The following TRIM62 variants were observed in gnomAD, a reference collection of about 807,000 sequenced individuals.
TRIM62 encodes E3 ubiquitin-protein ligase TRIM62.
TRIM62 carries 39 observed loss-of-function variants against 44.2 expected under a neutral mutation model. The observed-to-expected ratio is 0.88, with a 90% CI of 0.68 to 1.15. TRIM62 has a LOEUF of 1.15. Among genes scored for constraint, TRIM62 ranks in the 50% most tolerant of loss-of-function variants. The probability of loss-of-function intolerance (pLI) is 0.00; values close to 1 mark genes in which losing one functional copy is unlikely to be tolerated. For missense variants in TRIM62, 544 were observed against 665.5 expected, an observed-to-expected ratio of 0.82 and a Z score of 2.01; for synonymous variants, 278 against 292.3, an observed-to-expected ratio of 0.95 and a Z score of 0.50.
chr1:33,156,566 G>T (rs746225654), intron 4 of TRIM62, among the ~76,000 whole-genome samples: 2 of 152,114 alleles, frequency 1.3e-5, no homozygotes, highest in Non-Finnish European at 2.9e-5. Flanking sequence ...TCCCCCTCTT[G>T]TCCCTGACTT....
In TRIM62 at chr1:33,147,481, T is replaced by G; in HGVS notation, c.1124A>C (p.Lys375Thr). 6.2e-7 allele frequency: 1 copy of G among 1,613,008 alleles called. No homozygotes were observed. The change falls in exon 5 of 5, where the codon AAG (lysine) becomes ACG (threonine). Residue 375 changes from lysine to threonine, a missense_variant. Transcript: ENST00000291416. The surrounding 1 kb of genome is among the most constrained non-coding windows in gnomAD (Gnocchi z 8.1). Reference protein sequence around the residue: ...IGLAHEAASRKGSIQIQPSRG... With the variant: ...IGLAHEAASRTGSIQIQPSRG... ...GCTGGGCTGGATCTGGATGCTGCCC[T>G]TGCGGCTTGCGGCTTCGTGTGCCAG...
At position 33,154,639 on chromosome 1, in the gene TRIM62, A is replaced by G. The variant is rs535956531; in HGVS notation, c.877+3614T>C. 1.1e-4 allele frequency among the ~76,000 whole-genome samples: 17 copies of G among 151,534 alleles called. 1 individual carries two copies. Among genetic ancestry groups the G allele is most frequent in the African/African-American group, 4.1e-4 (17 of 41,238 alleles). On this transcript the variant is annotated intron_variant, in intron 4 of 4. Coordinates refer to ENST00000291416, the MANE Select transcript of TRIM62 (RefSeq NM_018207.3). The stretch of plus-strand genomic sequence containing the variant: ...ATGGTGAAACACCGTCTCTACTAAA[A>G]ATACAAAAATTAGCTGGGTGCAGTG...
intron 4 of TRIM62, among the ~76,000 whole-genome samples, chr1:33,151,184 A>C (rs956440686): frequency 6.6e-6 from 1 of 152,078 alleles, no homozygotes; most frequent in Non-Finnish European, 1.5e-5. Context: ...AAGCCTGCAG[A>C]TTGGAGGAAA....
intron 3 of TRIM62, among the ~76,000 whole-genome samples, chr1:33,158,635 C>T (rs1278459660): frequency 6.6e-6 from 1 of 152,182 alleles, no homozygotes; most frequent in Non-Finnish European, 1.5e-5. Context: ...TACAGATGCT[C>T]AGCACAGTGC....
At chr1:33,160,125 G>A (rs573853439) in intron 2 of TRIM62, among the ~76,000 whole-genome samples, 181 bp from the exon 3 acceptor site, 2 of 152,272 alleles carry the variant, frequency 1.3e-5, no homozygotes, top group African/African-American at 4.8e-5. Flanking sequence ...GTTCTATGTG[G>A]TCCATTAAAT....
chr1:33,151,019 G>A (rs143910177), intron 4 of TRIM62, among the ~76,000 whole-genome samples: 12 of 152,058 alleles, frequency 7.9e-5, no homozygotes, highest in African/African-American at 1.9e-4. Flanking sequence ...GGTGCGGGGC[G>A]GGGGGTACCC....
intron 4 of TRIM62, among the ~76,000 whole-genome samples, chr1:33,149,603 C>T (rs759078404): frequency 6.6e-6 from 1 of 151,662 alleles, no homozygotes; most frequent in Non-Finnish European, 1.5e-5. Flanking sequence ...TATAGGCATG[C>T]ATCACTATGC....
rs140512452 is a variant in TRIM62, at chr1:33,161,656, C to A, written c.505-1712G>T. 6.6e-6 allele frequency among the ~76,000 whole-genome samples: 1 copy of A among 152,112 alleles called. No homozygotes were observed. The highest frequency in any genetic ancestry group is 1.9e-4 in the East Asian group (1 of 5,178). On this transcript the variant is annotated intron_variant, in intron 2 of 4. Coordinates refer to ENST00000291416, the MANE Select transcript of TRIM62 (RefSeq NM_018207.3). This position sits in a 1 kb window ranked among gnomAD's most constrained non-coding sequence, Gnocchi z 4.3. ...CGTGGCCTTCCTGAGCCCCCTCACC[C>A]GGGGAGGGTGGAGGCCTCTGCAGCG...
chr1:33,168,049 C>G (rs1040789496), intron 1 of TRIM62, among the ~76,000 whole-genome samples: 3 of 152,038 alleles, frequency 2.0e-5, no homozygotes, highest in African/African-American at 7.2e-5. Flanking sequence ...GTGTGTCCTG[C>G]AGAGAAAATA....
chr1:33,162,349 G>A (rs1048558369), intron 2 of TRIM62, among the ~76,000 whole-genome samples: 3 of 152,182 alleles, frequency 2.0e-5, no homozygotes, highest in African/African-American at 7.2e-5. Flanking sequence ...TACTCATCCT[G>A]CAAGACCTAG....
intron 4 of TRIM62, among the ~76,000 whole-genome samples, chr1:33,152,791 A>G (rs1262569139): frequency 6.6e-6 from 1 of 152,098 alleles, no homozygotes. Context: ...TCTGGGTCAC[A>G]CAGCTAGGCA....
intron 4 of TRIM62, among the ~76,000 whole-genome samples, chr1:33,151,147 G>A (rs374582098): frequency 2.0e-5 from 3 of 152,110 alleles, no homozygotes; most frequent in Admixed American, 6.5e-5. Context: ...GGGGCTCTCC[G>A]TGGGTCTGAG....
rs531565683 is a variant in TRIM62, at chr1:33,159,557, C to T, written c.761+131G>A. 8.1e-5 allele frequency: 109 copies of T among 1,338,408 alleles called. No individual in the cohort carries two copies. In the East Asian group the frequency reaches 1.0e-3, roughly 13 times the overall value. 82.9% of individuals were successfully genotyped at this position (1,338,408 alleles called of 1,614,324 possible). On this transcript the variant is annotated intron_variant, in intron 3 of 4. Transcript: ENST00000291416. This position sits in a 1 kb window ranked among gnomAD's most constrained non-coding sequence, Gnocchi z 4.2. ...ATGCTCCTACCCATAGCAGATGTCC[C>T]GTAAATGTTTGATGAAGATTTGAAT...
At position 33,177,039 on chromosome 1, in the gene TRIM62, G is replaced by GCA. The variant is rs1553172193; in HGVS notation, c.408+3984_408+3985dup. Among the ~76,000 whole-genome samples the GCA allele has an allele frequency of 5.3e-4, 31 of 58,784 alleles. No individual in the cohort carries two copies. Among genetic ancestry groups the GCA allele is most frequent in the Admixed American group, 1.8e-3 (11 of 6,142 alleles). The allele number at this position is 58,784 out of a possible 152,430, so 38.6% of individuals were successfully genotyped here. ...GGAAGACACCAACACACATACACAT[G>GCA]CACACACACACGCACACACACACAC... On this transcript the variant is annotated intron_variant, in intron 1 of 4. Coordinates refer to ENST00000291416, the MANE Select transcript of TRIM62 (RefSeq NM_018207.3). The surrounding 1 kb of genome is among the most constrained non-coding windows in gnomAD (Gnocchi z 4.1).
intron 4 of TRIM62, among the ~76,000 whole-genome samples, chr1:33,155,672 A>G (rs1645168356): frequency 6.6e-6 from 1 of 152,192 alleles, no homozygotes. Flanking sequence ...TCCGTTACTT[A>G]TTCTGAAAAA....
intron 1 of TRIM62, among the ~76,000 whole-genome samples, chr1:33,168,236 C>T (rs1256831595): frequency 6.6e-6 from 1 of 152,152 alleles, no homozygotes; most frequent in Non-Finnish European, 1.5e-5. Context: ...TGGCAGCCAT[C>T]TCAGGCCATG....
At chr1:33,157,740 T>G (rs1303551960) in intron 4 of TRIM62, among the ~76,000 whole-genome samples, 2 of 151,898 alleles carry the variant, frequency 1.3e-5, no homozygotes, top group Admixed American at 1.3e-4. Flanking sequence ...TAATGGAACC[T>G]ATCTCATGTT....
intron 1 of TRIM62, among the ~76,000 whole-genome samples, chr1:33,179,848 A>T (rs1272375812): frequency 6.6e-6 from 1 of 152,246 alleles, no homozygotes; most frequent in African/African-American, 2.4e-5. Context: ...AGTAAAATAG[A>T]TTTATTTGCA....
chr1:33,155,780 G>A (rs938315596), intron 4 of TRIM62, among the ~76,000 whole-genome samples: 2 of 152,126 alleles, frequency 1.3e-5, no homozygotes, highest in Non-Finnish European at 2.9e-5. Context: ...GAACACACAG[G>A]GTTCTCTGCT....
Sources: gnomAD v4.1 joint callset for allele counts (sites outside exome capture counted in the v4.1 genomes callset) on GRCh38, gnomAD v4.1.1 for gene constraint, Gnocchi (gnomAD v3.1) non-coding constraint, MANE v1.5 for transcripts, NCBI Gene and HGNC (gene_info 2026-07-23, HGNC 2026-07-21) for gene names.